EIF4EBP2: variants seen among roughly 807,000 people sequenced by gnomAD.
EIF4EBP2 encodes the protein eukaryotic translation initiation factor 4E-binding protein 2.
In EIF4EBP2, 5 loss-of-function variants were observed where a neutral mutation model predicts 10.3. The observed-to-expected ratio is 0.48, with a 90% CI of 0.25 to 1.02. The LOEUF is 1.02. EIF4EBP2 is among the 50% of genes least tolerant of loss of function. EIF4EBP2 has a pLI of 0.15. For synonymous variants in EIF4EBP2, 67 were observed against 61.1 expected (o/e 1.10, Z -0.45); for missense variants, 188 against 162.2 (o/e 1.16, Z -0.86).
In EIF4EBP2 at chr10:70,420,090, C is replaced by T. The variant is rs904095052; in HGVS notation, c.322C>T (p.His108Tyr). Residue 108 changes from histidine (H) to tyrosine (Y), a missense_variant, in exon 2 of 3, where the codon CAT becomes TAT. His to Tyr is a moderately conservative substitution (Grantham distance 83, BLOSUM62 2). Coordinates refer to ENST00000373218, the MANE Select transcript of EIF4EBP2 (RefSeq NM_004096.5). ...LNNLNNHDRKHAVGDDAQFEM... is the reference protein window; with the variant it reads ...LNNLNNHDRKYAVGDDAQFEM... ...CAACTTGAACAATCACGACAGGAAACATGCAGTTGGTAAGAGAATGGCGAT... is the reference window on the plus strand; with the variant it reads ...CAACTTGAACAATCACGACAGGAAATATGCAGTTGGTAAGAGAATGGCGAT... The T allele has an allele frequency of 5.0e-6, 8 of 1,603,242 alleles. No individual in the cohort carries two copies. The African/African-American group carries it at 1.1e-4, about 22-fold the overall frequency.
At position 70,404,515 on chromosome 10, in the gene EIF4EBP2, C is replaced by CGGG; in HGVS notation, c.118_120dup (p.Gly40dup). On this transcript the variant is annotated inframe_insertion, in exon 1 of 3. Transcript: ENST00000373218. ...TACCTCATGACTATTGCACCACGCC[C>CGGG]GGGGGGACGCTCTTCTCCACCACAC... 6.3e-7 allele frequency: 1 copy of CGGG among 1,590,438 alleles called. No homozygotes were observed. The highest frequency in any genetic ancestry group is 8.5e-7 in the Non-Finnish European group (1 of 1,171,598).
intron 1 of EIF4EBP2, among the ~76,000 whole-genome samples, chr10:70,406,165 A>G (rs911618680): frequency 6.6e-5 from 10 of 152,090 alleles, no homozygotes; most frequent in Non-Finnish European, 1.5e-5. Flanking sequence ...GTATTTTGGT[A>G]GAGTCTGGGT....
chr10:70,420,106 G>C lies in EIF4EBP2; in HGVS notation c.331+7G>C. 1 of 1,595,248 alleles carries C rather than the reference G, an allele frequency of 6.3e-7. No individual in the cohort carries two copies. The highest frequency in any genetic ancestry group is 8.5e-7 in the Non-Finnish European group (1 of 1,171,276). On this transcript the variant is annotated splice_region_variant and intron_variant, in intron 2 of 2. Coordinates refer to ENST00000373218, the MANE Select transcript of EIF4EBP2 (RefSeq NM_004096.5). ...GACAGGAAACATGCAGTTGGTAAGA[G>C]AATGGCGATGTTGGAGACCTAGAGC...
In EIF4EBP2 at chr10:70,404,472, T is replaced by G; in HGVS notation, c.71T>G (p.Ile24Ser). 1 of 1,599,568 alleles carries G rather than the reference T, an allele frequency of 6.3e-7. No individual in the cohort carries two copies. The highest frequency in any genetic ancestry group is 8.5e-7 in the Non-Finnish European group (1 of 1,175,286). ...SRAIPTRTVA[I>S]SDAAQLPHDY... ...GCCATCCCCACCCGCACCGTGGCCA[T>G]CAGCGACGCCGCGCAGCTACCTCAT... The change falls in exon 1 of 3, where the codon ATC becomes AGC. Residue 24 changes from isoleucine (I) to serine (S), a missense_variant. Coordinates refer to ENST00000373218, the MANE Select transcript of EIF4EBP2 (RefSeq NM_004096.5).
At chr10:70,410,523 T>C (rs1845033365) in intron 1 of EIF4EBP2, among the ~76,000 whole-genome samples, 1 of 152,244 alleles carries the variant, frequency 6.6e-6, no homozygotes, top group Admixed American at 6.5e-5. Flanking sequence ...CCATAGAGCT[T>C]TTCAGGAGTC....
Position 70,421,947 on chromosome 10 carries a change from T to TC in EIF4EBP2, c.*204dup, listed in dbSNP as rs1454437436. 8.7e-6 allele frequency: 5 copies of TC among 571,872 alleles called. No individual in the cohort carries two copies. Among genetic ancestry groups the TC allele is most frequent in the Non-Finnish European group, 1.6e-5 (5 of 319,816 alleles). The allele number at this position is 571,872 out of a possible 1,614,324, so 35.4% of individuals were successfully genotyped here. A position where few individuals can be genotyped will look rare whatever the true frequency, so the allele number is the denominator to read the frequency against. ...ACCATTTCTTCTCCCTGTCTCCTGT[T>TC]CCCCTTCCCAGTTAAACAGGTTAGA... On this transcript the variant is annotated 3_prime_UTR_variant, in exon 3 of 3. Transcript: ENST00000373218.
At chr10:70,419,764 A>G in intron 1 of EIF4EBP2, 150 bp from the exon 2 acceptor site, 1 of 571,990 alleles carries the variant, frequency 1.7e-6, no homozygotes, top group Non-Finnish European at 2.9e-6. Context: ...GCCTGTTTAC[A>G]GGCAGAGAGG....
chr10:70,420,175 G>T (rs1194102594), intron 2 of EIF4EBP2, 76 bp downstream of exon 2: 1 of 1,403,084 alleles, frequency 7.1e-7, no homozygotes, highest in Non-Finnish European at 9.6e-7. Context: ...AGGTTGAGAA[G>T]CTATTGATTC....
At chr10:70,419,482 T>C (rs191946700) in intron 1 of EIF4EBP2, among the ~76,000 whole-genome samples, 2 of 152,144 alleles carry the variant, frequency 1.3e-5, no homozygotes, top group East Asian at 1.9e-4. Context: ...ATTTAAAACT[T>C]TTTTTTTCTT....
chr10:70,420,663 T>A (rs1048607778), intron 2 of EIF4EBP2, among the ~76,000 whole-genome samples: 2 of 152,228 alleles, frequency 1.3e-5, no homozygotes, highest in African/African-American at 4.8e-5. Flanking sequence ...ACCCCAAAAA[T>A]GACTCTTTGA....
chr10:70,405,023 A>T (rs1339529108), intron 1 of EIF4EBP2, among the ~76,000 whole-genome samples: 1 of 152,190 alleles, frequency 6.6e-6, no homozygotes, highest in Non-Finnish European at 1.5e-5. Flanking sequence ...CTTTTAGAAC[A>T]CCGGGAGGAG....
rs1472978856 is a variant in EIF4EBP2, at chr10:70,427,211, A to G, written c.*5464A>G. On this transcript the variant is annotated 3_prime_UTR_variant, in exon 3 of 3. Coordinates refer to ENST00000373218, the MANE Select transcript of EIF4EBP2 (RefSeq NM_004096.5). ...GCAAAACCTAGTCACTTACCTACCC[A>G]TAATATCTGGGAAGGTGTGGTATTT... 6.6e-6 allele frequency: 1 copy of G among 152,180 alleles called. No individual in the cohort carries two copies. The highest frequency in any genetic ancestry group is 1.9e-4 in the East Asian group (1 of 5,190). The allele number at this position is 152,180 out of a possible 1,614,324, so 9.4% of individuals were successfully genotyped here. A position where few individuals can be genotyped will look rare whatever the true frequency, so the allele number is the denominator to read the frequency against.
intron 1 of EIF4EBP2, 53 bp downstream of exon 1, chr10:70,404,599 A>C: frequency 6.8e-7 from 1 of 1,469,780 alleles, no homozygotes; most frequent in Admixed American, 2.4e-5. Flanking sequence ...CGGTCCTCTA[A>C]CTCCTCGGCG....
rs1845191299 is a variant in EIF4EBP2, at chr10:70,424,868, T to C, written c.*3121T>C. 6.6e-6 allele frequency: 1 copy of C among 152,222 alleles called. No homozygotes were observed. Among genetic ancestry groups the C allele is most frequent in the Non-Finnish European group, 1.5e-5 (1 of 68,038 alleles). 9.4% of individuals were successfully genotyped at this position (152,222 alleles called of 1,614,324 possible). A position where few individuals can be genotyped will look rare whatever the true frequency, so the allele number is the denominator to read the frequency against. ...GGGCACAGATACAGAGAAGCTGGCT[T>C]TCTAGGTATTGGGCTTCCAAGCCAA... On this transcript the variant is annotated 3_prime_UTR_variant, in exon 3 of 3. Coordinates refer to ENST00000373218, the MANE Select transcript of EIF4EBP2 (RefSeq NM_004096.5).
chr10:70,404,380 C>A lies in EIF4EBP2; in HGVS notation c.-22C>A. ...GCCGCCGCCTGCCCGCCGGACAAAG[C>A]CGAGAGCCCGCGCCCACAGCCATGT... On this transcript the variant is annotated 5_prime_UTR_variant, in exon 1 of 3. Coordinates refer to ENST00000373218, the MANE Select transcript of EIF4EBP2 (RefSeq NM_004096.5). 6.5e-7 allele frequency: 1 copy of A among 1,543,394 alleles called. No homozygotes were observed. Among genetic ancestry groups the A allele is most frequent in the Non-Finnish European group, 8.7e-7 (1 of 1,148,270 alleles).
intron 1 of EIF4EBP2, among the ~76,000 whole-genome samples, chr10:70,413,787 TA>T (rs1444092545): frequency 6.6e-6 from 1 of 152,246 alleles, no homozygotes. Flanking sequence ...GGAGCATGAT[TA>T]TTTTCATAGA....
At chr10:70,408,256 T>G (rs111849503) in intron 1 of EIF4EBP2, among the ~76,000 whole-genome samples, 3,434 of 67,786 alleles carry the variant, frequency 0.051, no homozygotes, top group Middle Eastern at 0.14. Context: ...GGGCACAGGG[T>G]CTCCTCACTT....
chr10:70,409,971 A>T (rs1393975175), intron 1 of EIF4EBP2, among the ~76,000 whole-genome samples: 3 of 152,184 alleles, frequency 2.0e-5, no homozygotes, highest in Admixed American at 6.5e-5. Flanking sequence ...ATGGGTTTGG[A>T]AAAAAGGAGA....
intron 2 of EIF4EBP2, among the ~76,000 whole-genome samples, chr10:70,420,751 GC>G (rs1403184460): frequency 6.6e-6 from 1 of 152,096 alleles, no homozygotes; most frequent in East Asian, 1.9e-4. Flanking sequence ...CAATTTCATA[GC>G]CCCCATTTCC....
Sources: gnomAD v4.1 joint callset for allele counts (sites outside exome capture counted in the v4.1 genomes callset) on GRCh38, gnomAD v4.1.1 for gene constraint, MANE v1.5 for transcripts, NCBI Gene and HGNC (gene_info 2026-07-23, HGNC 2026-07-21) for gene names.